The following GSE1 variants were observed in gnomAD, a reference collection of about 807,000 sequenced individuals.
The protein encoded by GSE1 is genetic suppressor element 1.
Under a neutral mutation model 112.6 loss-of-function variants are expected in GSE1, and 32 were observed. The observed-to-expected ratio is 0.28, with a 90% CI of 0.21 to 0.38. GSE1 has a LOEUF of 0.38. Ranked by LOEUF, GSE1 falls within the 10% of genes least tolerant of loss-of-function variation. GSE1 has a pLI of 1.00. For synonymous variants in GSE1, 1,115 were observed against 735.6 expected, an observed-to-expected ratio of 1.52 and a Z score of -8.35; for missense variants, 2,348 against 1,699.2, an observed-to-expected ratio of 1.38 and a Z score of -6.71.
At chr16:85,507,086 T>G (rs1016402931) in intron 2 of GSE1, among the ~76,000 whole-genome samples, 5 of 152,110 alleles carry the variant, frequency 3.3e-5, no homozygotes, top group African/African-American at 1.2e-4. Context: ...TGGTGACATA[T>G]TTGGTTGGCG....
Position 85,265,622 on chromosome 16 carries a change from C to T in GSE1, c.2284-91841C>T, listed in dbSNP as rs74031751. 3.6e-3 allele frequency among the ~76,000 whole-genome samples: 545 copies of T among 152,300 alleles called. 1 individual carries two copies. The highest frequency in any genetic ancestry group is 0.02 in the Middle Eastern group (6 of 294). On this transcript the variant is annotated intron_variant, in intron 1 of 2. Transcript: ENST00000637419. The stretch of plus-strand genomic sequence containing the variant: ...CCCTGATTGCCTCCAAATCAGCTGA[C>T]TCCAGAGGCTGATGCCTACCCTGCT...
chr16:85,573,882 T>C (rs537445428), intron 1 of GSE1, among the ~76,000 whole-genome samples: 1 of 152,274 alleles, frequency 6.6e-6, no homozygotes, highest in East Asian at 1.9e-4. Flanking sequence ...CTGAATTCCA[T>C]AGAAAAAGAG....
chr16:85,457,407 A>G (rs1037656763), intron 2 of GSE1, among the ~76,000 whole-genome samples: 2 of 152,126 alleles, frequency 1.3e-5, no homozygotes, highest in African/African-American at 2.4e-5. Context: ...TGCAGGGGAG[A>G]GGCTGTCTCT....
intron 2 of GSE1, among the ~76,000 whole-genome samples, chr16:85,375,198 A>G (rs2047392840): frequency 1.3e-5 from 2 of 152,092 alleles, no homozygotes; most frequent in South Asian, 2.1e-4. Context: ...CCTGCCTGTC[A>G]CTGCCACTCT....
rs1434053412 is a variant in GSE1, at chr16:85,528,669, TTTTGTTTTG to T, written c.2465-105241_2465-105233del. Among the ~76,000 whole-genome samples, 7 of 151,670 alleles carry T rather than the reference TTTTGTTTTG, an allele frequency of 4.6e-5. No individual in the cohort carries two copies. The East Asian group carries it at 5.8e-4, about 13-fold the overall frequency. On this transcript the variant is annotated intron_variant, in intron 2 of 2. Transcript: ENST00000637419. ...TTTTGTTTTGTTTTGTTTTGTTTTG[TTTTGTTTTG>T]TTTTTTGATGGGGTGGTCAGGAAGG...
intron 1 of GSE1, among the ~76,000 whole-genome samples, chr16:85,247,878 G>A (rs960939010): frequency 6.6e-6 from 1 of 152,234 alleles, no homozygotes; most frequent in Non-Finnish European, 1.5e-5. Flanking sequence ...ATCCAAGCAT[G>A]CACCTGAAGG....
chr16:85,176,752 G>A (rs2074474714), intron 1 of GSE1, among the ~76,000 whole-genome samples: 1 of 152,240 alleles, frequency 6.6e-6, no homozygotes, highest in Admixed American at 6.5e-5. Context: ...AGGTGTTGCT[G>A]CCGCAACCAC....
chr16:85,655,112 T>C, intron 5 of GSE1, 121 bp downstream of exon 5: 1 of 710,832 alleles, frequency 1.4e-6, no homozygotes, highest in South Asian at 1.6e-5. Flanking sequence ...GGGTCTAGAG[T>C]AGCCCCTGAA....
At chr16:85,394,850 A>C (rs2151654239) in intron 2 of GSE1, among the ~76,000 whole-genome samples, 1 of 152,214 alleles carries the variant, frequency 6.6e-6, no homozygotes, top group South Asian at 2.1e-4. Context: ...CTCCTTGGGC[A>C]CACGGTTTCT....
intron 2 of GSE1, among the ~76,000 whole-genome samples, chr16:85,383,219 T>C (rs2047599212): frequency 6.6e-6 from 1 of 150,716 alleles, no homozygotes; most frequent in African/African-American, 2.5e-5. Flanking sequence ...CCTCTGTACA[T>C]AAACACACAC....
chr16:85,357,754 C>T (rs2046980254), intron 2 of GSE1: 8 of 608,660 alleles, frequency 1.3e-5, no homozygotes, highest in Admixed American at 1.2e-4. Flanking sequence ...CTTGTGTCCT[C>T]GGCATCCTAG....
chr16:85,295,378 C>A (rs2045338100), intron 1 of GSE1, among the ~76,000 whole-genome samples: 1 of 152,260 alleles, frequency 6.6e-6, no homozygotes, highest in South Asian at 2.1e-4. Flanking sequence ...TTCACGCGTG[C>A]TGCAGCGCGG....
chr16:85,474,505 G>T (rs182077327), intron 2 of GSE1, among the ~76,000 whole-genome samples: 40 of 152,178 alleles, frequency 2.6e-4, no homozygotes, highest in African/African-American at 9.2e-4. Context: ...TCCTCTCTGC[G>T]GCACTTCCCA....
At chr16:85,450,748 C>G (rs111536585) in intron 2 of GSE1, among the ~76,000 whole-genome samples, 1 of 151,998 alleles carries the variant, frequency 6.6e-6, no homozygotes, top group African/African-American at 2.4e-5. Context: ...CTCGCCCGGC[C>G]CACCTTACAT....
chr16:85,634,014 C>T lies in GSE1; in HGVS notation c.108C>T (p.Gly36=), dbSNP rs538453007. ...VNPLTPSPLN[G]ALVPSGSPAT... ...CCCTCACCCCCTCGCCGCTCAATGGCGCCCTGGTGCCCAGCGGCAGCCCCG... is the reference window on the plus strand; with the variant it reads ...CCCTCACCCCCTCGCCGCTCAATGGTGCCCTGGTGCCCAGCGGCAGCCCCG... The change falls in exon 2 of 16, where the codon GGC becomes GGT. Residue 36 remains glycine, a synonymous_variant. Coordinates refer to ENST00000253458, the MANE Select transcript of GSE1 (RefSeq NM_014615.5). 4.0e-5 allele frequency: 65 copies of T among 1,612,094 alleles called. No homozygotes were observed. Among genetic ancestry groups the T allele is most frequent in the South Asian group, 1.2e-4 (11 of 90,954 alleles).
chr16:85,563,364 T>C (rs946820498), intron 1 of GSE1, among the ~76,000 whole-genome samples: 62 of 152,314 alleles, frequency 4.1e-4, no homozygotes, highest in African/African-American at 1.4e-3. Flanking sequence ...AGAATTTTCT[T>C]ACAAGTCTTT....
intron 2 of GSE1, among the ~76,000 whole-genome samples, chr16:85,517,743 G>A (rs2052000579): frequency 6.6e-6 from 1 of 152,244 alleles, no homozygotes; most frequent in African/African-American, 2.4e-5. Flanking sequence ...TTCGGAGAGT[G>A]ACATTTACAT....
intron 1 of GSE1, among the ~76,000 whole-genome samples, chr16:85,276,871 C>T (rs925661404): frequency 2.4e-4 from 36 of 152,182 alleles, no homozygotes; most frequent in African/African-American, 8.7e-4. Flanking sequence ...CCTCAGACTC[C>T]TGTGCACGGT....
At chr16:85,424,678 C>A (rs1307334247) in intron 2 of GSE1, among the ~76,000 whole-genome samples, 1 of 152,238 alleles carries the variant, frequency 6.6e-6, no homozygotes, top group Non-Finnish European at 1.5e-5. Flanking sequence ...CTGCTCCCGC[C>A]GTCCCTCGGA....
Sources: gnomAD v4.1 joint callset for allele counts (sites outside exome capture counted in the v4.1 genomes callset) on GRCh38, gnomAD v4.1.1 for gene constraint, MANE v1.5 for transcripts, NCBI Gene and HGNC (gene_info 2026-07-23, HGNC 2026-07-21) for gene names.